The following LUZP2 variants were observed in gnomAD, a reference collection of about 807,000 sequenced individuals.
The protein encoded by LUZP2 is leucine zipper protein 2.
In LUZP2, 52 loss-of-function variants were observed where a neutral mutation model predicts 51.6. That is an observed-to-expected ratio of 1.01 (90% CI 0.81 to 1.27). The LOEUF (loss-of-function observed/expected upper bound fraction) is 1.27, where lower values mean the gene tolerates loss of function less well. Ranked by LOEUF, LUZP2 falls within the 50% of genes most tolerant of loss-of-function variation. The probability of loss-of-function intolerance (pLI) is 0.00; values close to 1 mark genes in which losing one functional copy is unlikely to be tolerated. For synonymous variants in LUZP2, 154 were observed against 137.3 expected, an observed-to-expected ratio of 1.12 and a Z score of -0.85; for missense variants, 436 against 395.4, an observed-to-expected ratio of 1.10 and a Z score of -0.87.
chr11:24,722,709 G>A (rs1194309587), intron 1 of LUZP2, among the ~76,000 whole-genome samples: 2 of 152,054 alleles, frequency 1.3e-5, no homozygotes, highest in African/African-American at 4.8e-5. Context: ...TTTGAGGTCA[G>A]GAGTTCGAGA....
In LUZP2 at chr11:24,767,653, G is replaced by A. The variant is rs953246091; in HGVS notation, c.396+4345G>A. On this transcript the variant is annotated intron_variant, in intron 5 of 11. Coordinates refer to ENST00000336930, the MANE Select transcript of LUZP2 (RefSeq NM_001009909.4). ...TGTTTGCAAATCAAGCAACGATAAC[G>A]TCACTTACAAAGCCTAACTGGCTTT... is the stretch of plus-strand genomic sequence containing the variant. Among the ~76,000 whole-genome samples the A allele has an allele frequency of 5.3e-5, 8 of 152,108 alleles. 1 individual carries two copies. Among genetic ancestry groups the A allele is most frequent in the South Asian group, 4.1e-4 (2 of 4,836 alleles).
intron 5 of LUZP2, among the ~76,000 whole-genome samples, chr11:24,813,321 C>G (rs1216601141): frequency 6.6e-6 from 1 of 152,162 alleles, no homozygotes; most frequent in East Asian, 1.9e-4. Flanking sequence ...CTGTAAAGAA[C>G]TACCTGAGAT....
intron 1 of LUZP2, among the ~76,000 whole-genome samples, chr11:24,631,053 A>G (rs778292317): frequency 6.6e-6 from 1 of 151,996 alleles, no homozygotes; most frequent in African/African-American, 2.4e-5. Context: ...TATGTCCTAC[A>G]ATTTTATCAA....
At chr11:25,050,291 CTTTTTTTTTTTT>C (rs71044331) in intron 10 of LUZP2, among the ~76,000 whole-genome samples, 161 bp downstream of exon 10, 16 of 77,158 alleles carry the variant, frequency 2.1e-4, no homozygotes, top group Non-Finnish European at 2.9e-4. Flanking sequence ...TCTTTATGTT[CTTTTTTTTTTTT>C]TTTTTTTTTT....
chr11:24,626,206 A>G (rs1291194707), intron 1 of LUZP2, among the ~76,000 whole-genome samples: 1 of 152,118 alleles, frequency 6.6e-6, no homozygotes, highest in African/African-American at 2.4e-5. Context: ...CCAGTGAGAA[A>G]AGCTGGGAAT....
intron 9 of LUZP2, among the ~76,000 whole-genome samples, chr11:25,015,099 G>A (rs1006509113): frequency 6.6e-6 from 1 of 152,044 alleles, no homozygotes; most frequent in Non-Finnish European, 1.5e-5. Flanking sequence ...TTTTTGTCAT[G>A]TATAATTTTA....
At chr11:25,012,851 T>C (rs1857023029) in intron 9 of LUZP2, among the ~76,000 whole-genome samples, 1 of 152,132 alleles carries the variant, frequency 6.6e-6, no homozygotes, top group African/African-American at 2.4e-5. Flanking sequence ...TACCCTTCAA[T>C]ATAGGCATCG....
chr11:24,801,162 C>T (rs1849688167), intron 5 of LUZP2, among the ~76,000 whole-genome samples: 1 of 152,072 alleles, frequency 6.6e-6, no homozygotes, highest in Non-Finnish European at 1.5e-5. Flanking sequence ...CAACATATAA[C>T]CCATCACTTT....
chr11:24,903,029 T>G (rs1042076850), intron 5 of LUZP2, among the ~76,000 whole-genome samples: 36 of 152,322 alleles, frequency 2.4e-4, no homozygotes, highest in African/African-American at 8.4e-4. Context: ...TTCTTAATTC[T>G]AATAATGTTT....
At chr11:25,077,769 T>A (rs1225891958) in intron 11 of LUZP2, among the ~76,000 whole-genome samples, 1 of 152,142 alleles carries the variant, frequency 6.6e-6, no homozygotes, top group Non-Finnish European at 1.5e-5. Context: ...GTGCTGGGAT[T>A]ACAGGCGTGA....
At chr11:24,619,319 T>A (rs1311591929) in intron 1 of LUZP2, among the ~76,000 whole-genome samples, 1 of 152,120 alleles carries the variant, frequency 6.6e-6, no homozygotes, top group Non-Finnish European at 1.5e-5. Flanking sequence ...TGGGTGTATG[T>A]CACCCTGCCA....
At chr11:24,965,942 C>T (rs1855569801) in intron 7 of LUZP2, among the ~76,000 whole-genome samples, 1 of 151,692 alleles carries the variant, frequency 6.6e-6, no homozygotes, top group South Asian at 2.1e-4. Flanking sequence ...TGAGATCAAA[C>T]AGTAAGTGGC....
intron 9 of LUZP2, among the ~76,000 whole-genome samples, chr11:25,009,467 A>G (rs1856923742): frequency 6.6e-6 from 1 of 152,180 alleles, no homozygotes. Flanking sequence ...TTATTGGAAT[A>G]TTAGTGTTAG....
chr11:24,769,707 G>GT (rs1860333864), intron 5 of LUZP2, among the ~76,000 whole-genome samples: 1 of 42,954 alleles, frequency 2.3e-5, no homozygotes. Flanking sequence ...TTTTTTTTTT[G>GT]GGATTATAAT....
At chr11:24,922,440 T>C (rs1854089880) in intron 7 of LUZP2, among the ~76,000 whole-genome samples, 1 of 152,214 alleles carries the variant, frequency 6.6e-6, no homozygotes, top group South Asian at 2.1e-4. Flanking sequence ...TCCTTAATTT[T>C]TAAACTCTTG....
At chr11:24,966,498 G>C (rs1014857341) in intron 7 of LUZP2, among the ~76,000 whole-genome samples, 1 of 150,210 alleles carries the variant, frequency 6.7e-6, no homozygotes, top group African/African-American at 2.4e-5. Flanking sequence ...TTTTATTCTA[G>C]AAGATTTATG....
intron 7 of LUZP2, among the ~76,000 whole-genome samples, chr11:24,964,692 G>T (rs79221311): frequency 6.6e-6 from 1 of 151,844 alleles, no homozygotes; most frequent in African/African-American, 2.4e-5. Flanking sequence ...GTAGACAAAG[G>T]CAAAATGGAT....
At chr11:24,863,897 A>C (rs1425105054) in intron 5 of LUZP2, among the ~76,000 whole-genome samples, 1 of 152,164 alleles carries the variant, frequency 6.6e-6, no homozygotes, top group African/African-American at 2.4e-5. Flanking sequence ...GATACCTCAC[A>C]TCTGAATTGT....
intron 7 of LUZP2, among the ~76,000 whole-genome samples, chr11:24,924,293 G>A (rs1234902501): frequency 6.6e-6 from 1 of 151,874 alleles, no homozygotes; most frequent in African/African-American, 2.4e-5. Flanking sequence ...GGCAAGGATG[G>A]TCTCGGTCTC....
Sources: gnomAD v4.1 joint callset for allele counts (sites outside exome capture counted in the v4.1 genomes callset) on GRCh38, gnomAD v4.1.1 for gene constraint, MANE v1.5 for transcripts, NCBI Gene and HGNC (gene_info 2026-07-23, HGNC 2026-07-21) for gene names.